Variants in RBFOX1 observed in about 807,000 individuals in gnomAD.
The protein encoded by RBFOX1 is RNA binding protein fox-1 homolog 1.
RBFOX1 carries 8 observed loss-of-function variants against 57.7 expected under a neutral mutation model. The ratio of observed to expected loss-of-function variants is 0.14; its 90% confidence interval spans 0.08 to 0.25. The LOEUF is 0.25. Ranked by LOEUF, RBFOX1 falls within the 10% of genes least tolerant of loss-of-function variation. The probability of loss-of-function intolerance (pLI) is 1.00; values close to 1 mark genes in which losing one functional copy is unlikely to be tolerated. For missense variants in RBFOX1, 611 were observed against 548.5 expected, an observed-to-expected ratio of 1.11 and a Z score of -1.14; for synonymous variants, 326 against 222.4, an observed-to-expected ratio of 1.47 and a Z score of -4.15.
chr16:7,474,786 T>C (rs2062292627), intron 4 of RBFOX1, among the ~76,000 whole-genome samples: 1 of 152,176 alleles, frequency 6.6e-6, no homozygotes, highest in Non-Finnish European at 1.5e-5. Flanking sequence ...ATTAGATGAG[T>C]ATAAAGCGTT....
chr16:7,362,159 T>C (rs982222625), intron 4 of RBFOX1, among the ~76,000 whole-genome samples: 2 of 149,124 alleles, frequency 1.3e-5, no homozygotes, highest in Non-Finnish European at 3.0e-5. Context: ...TGTTAGTGTA[T>C]GTTTTGTATG....
chr16:5,983,977 C>A (rs2060228932), intron 4 of RBFOX1, among the ~76,000 whole-genome samples: 1 of 139,246 alleles, frequency 7.2e-6, no homozygotes. Context: ...TCTTCCTCTT[C>A]TTCTTCCTCC....
At chr16:7,667,656 A>AC (rs2069818669) in intron 13 of RBFOX1, among the ~76,000 whole-genome samples, 1 of 149,642 alleles carries the variant, frequency 6.7e-6, no homozygotes, top group Admixed American at 6.7e-5. Context: ...CACATCAGAT[A>AC]CCTCGAATAG....
intron 1 of RBFOX1, among the ~76,000 whole-genome samples, chr16:6,033,101 C>T (rs141154227): frequency 5.3e-5 from 8 of 152,180 alleles, no homozygotes; most frequent in Admixed American, 2.0e-4. Flanking sequence ...ACGTTGTTAC[C>T]GTGAGCACAG....
In RBFOX1 at chr16:7,566,948, C is replaced by T. The variant is rs113970313; in HGVS notation, c.271-12829C>T. Among the ~76,000 whole-genome samples, 1,277 of 151,732 alleles carry T rather than the reference C, an allele frequency of 8.4e-3. 21 individuals carry two copies. The highest frequency in any genetic ancestry group is 0.028 in the African/African-American group (1,177 of 41,312). ...TCAGTGTATCCATGAACAAAGAAAT[C>T]GATTAAGAAACATGTATTTACAGAG... On this transcript the variant is annotated intron_variant, in intron 5 of 15. Coordinates refer to ENST00000550418, the MANE Select transcript of RBFOX1 (RefSeq NM_018723.4).
chr16:6,112,145 A>G (rs12597709), intron 1 of RBFOX1, among the ~76,000 whole-genome samples: 21,140 of 152,188 alleles, frequency 0.14, 1,647 homozygotes, highest in Admixed American at 0.26. Context: ...GCTGGAGCCA[A>G]TTAACCATTA....
At chr16:7,260,763 G>C (rs975900454) in intron 4 of RBFOX1, among the ~76,000 whole-genome samples, 2 of 152,144 alleles carry the variant, frequency 1.3e-5, no homozygotes, top group African/African-American at 4.8e-5. Context: ...AACACACAGG[G>C]ACTGATTCCC....
chr16:6,480,848 A>C (rs2095361083), intron 2 of RBFOX1, among the ~76,000 whole-genome samples: 1 of 152,118 alleles, frequency 6.6e-6, no homozygotes, highest in Non-Finnish European at 1.5e-5. Flanking sequence ...ATAGCAATGG[A>C]GGTATTCATA....
intron 2 of RBFOX1, among the ~76,000 whole-genome samples, chr16:6,514,368 G>T (rs1443501794): frequency 5.3e-5 from 8 of 152,148 alleles, no homozygotes; most frequent in Non-Finnish European, 1.2e-4. Context: ...CTTTCAGAGG[G>T]TAGAAGGAGA....
intron 1 of RBFOX1, among the ~76,000 whole-genome samples, chr16:5,330,038 G>A (rs1175631549): frequency 2.0e-5 from 3 of 151,112 alleles, no homozygotes; most frequent in African/African-American, 4.9e-5. Context: ...CCTTCTTGCC[G>A]TGTCCTCACA....
intron 2 of RBFOX1, among the ~76,000 whole-genome samples, chr16:6,490,776 A>T (rs2095614846): frequency 1.3e-5 from 2 of 152,208 alleles, no homozygotes; most frequent in South Asian, 4.1e-4. Context: ...CTGGAAGTGG[A>T]ATCCATTACT....
chr16:6,788,536 C>T (rs557292666), intron 3 of RBFOX1, among the ~76,000 whole-genome samples: 1 of 151,748 alleles, frequency 6.6e-6, no homozygotes, highest in Non-Finnish European at 1.5e-5. Flanking sequence ...AGTGCAGTGG[C>T]GTGATCTCGG....
chr16:5,638,334 G>C (rs1311501475), intron 3 of RBFOX1, among the ~76,000 whole-genome samples: 1 of 152,174 alleles, frequency 6.6e-6, no homozygotes, highest in Non-Finnish European at 1.5e-5. Flanking sequence ...ATGACACAGA[G>C]GTGATTAAAG....
chr16:6,746,292 C>T (rs569670790), intron 3 of RBFOX1, among the ~76,000 whole-genome samples: 1 of 152,012 alleles, frequency 6.6e-6, no homozygotes, highest in African/African-American at 2.4e-5. Flanking sequence ...AAGTGGAAGT[C>T]AACTTGAATG....
chr16:6,061,977 G>C (rs779299036), intron 1 of RBFOX1, among the ~76,000 whole-genome samples: 1 of 152,158 alleles, frequency 6.6e-6, no homozygotes, highest in Non-Finnish European at 1.5e-5. Context: ...GGACTGGTTA[G>C]GATTCCCATG....
intron 1 of RBFOX1, among the ~76,000 whole-genome samples, chr16:6,147,984 G>C (rs73529956): frequency 0.031 from 4,765 of 152,302 alleles, 234 homozygotes; most frequent in African/African-American, 0.1. Flanking sequence ...CTGATCCACT[G>C]TTGCCATTCT....
chr16:7,308,688 C>T (rs1007853500), intron 4 of RBFOX1, among the ~76,000 whole-genome samples: 2 of 152,186 alleles, frequency 1.3e-5, no homozygotes, highest in South Asian at 4.1e-4. Flanking sequence ...GAACTGAAAC[C>T]TGCATATCAA....
chr16:5,594,861 G>A lies in RBFOX1; in HGVS notation c.259-4041G>A, dbSNP rs140500211. Among the ~76,000 whole-genome samples, 1,047 of 151,762 alleles carry A rather than the reference G, an allele frequency of 6.9e-3. 4 individuals carry two copies. Among genetic ancestry groups the A allele is most frequent in the Middle Eastern group, 0.01 (3 of 294 alleles). On this transcript the variant is annotated intron_variant, in intron 2 of 2. Coordinates refer to the RBFOX1 transcript ENST00000585867. ...ACACAAAAATGTGTGGCTGAATGTG[G>A]TGGCTCATGTCTATAATCCCAGCAC...
intron 2 of RBFOX1, among the ~76,000 whole-genome samples, chr16:6,387,974 A>ATTTTTTTTT (rs61603572): frequency 3.6e-5 from 3 of 84,148 alleles, no homozygotes; most frequent in Non-Finnish European, 4.2e-5. Context: ...TTTGTGGAAC[A>ATTTTTTTTT]TTTTTTTTTT....
Sources: allele counts gnomAD v4.1 joint callset (sites outside exome capture counted in the v4.1 genomes callset), GRCh38; gene constraint gnomAD v4.1.1; transcripts MANE v1.5; gene names NCBI Gene and HGNC (gene_info 2026-07-23, HGNC 2026-07-21).